Variants in PATE3 observed in about 807,000 individuals in gnomAD.
PATE3 encodes the protein prostate and testis expressed protein 3.
PATE3 carries 7 observed loss-of-function variants against 7.4 expected under a neutral mutation model. The ratio of observed to expected loss-of-function variants is 0.95; its 90% confidence interval spans 0.54 to 1.78. PATE3 has a LOEUF of 1.78. Ranked by LOEUF, PATE3 falls within the 40% of genes most tolerant of loss-of-function variation. The pLI, the probability that PATE3 is intolerant of heterozygous loss-of-function variation, is 0.00. For missense variants in PATE3, 117 were observed against 122.5 expected (o/e 0.96, Z 0.21); for synonymous variants, 38 against 40.2 (o/e 0.94, Z 0.21).
In PATE3 at chr11:125,791,434, A is replaced by G. The variant is rs1303906584; in HGVS notation, c.*832A>G. The G allele has an allele frequency of 1.3e-5, 2 of 152,236 alleles. No individual in the cohort carries two copies. Among genetic ancestry groups the G allele is most frequent in the Non-Finnish European group, 2.9e-5 (2 of 68,090 alleles). The allele number at this position is 152,236 out of a possible 1,614,324, so 9.4% of individuals were successfully genotyped here. A position where few individuals can be genotyped will look rare whatever the true frequency, so the allele number is the denominator to read the frequency against. On this transcript the variant is annotated 3_prime_UTR_variant, in exon 3 of 3. Coordinates refer to ENST00000445202, the MANE Select transcript of PATE3 (RefSeq NM_001129883.4). ...CCATGCGTCAGATGGCACCTGAGGC[A>G]TATAACCTAGGGTGGGCTGCCTTTC...
chr11:125,789,787 A>G (rs542276447), intron 2 of PATE3, among the ~76,000 whole-genome samples: 1 of 152,324 alleles, frequency 6.6e-6, no homozygotes, highest in East Asian at 1.9e-4. Context: ...GTGATTTTTC[A>G]TACAAGCCTT....
At position 125,789,499 on chromosome 11, in the gene PATE3, AT is replaced by A. The variant is rs1416835947; in HGVS notation, c.166del (p.Tyr56ThrfsTer20). On this transcript the variant is annotated frameshift_variant, in exon 2 of 3. Transcript: ENST00000445202. LOFTEE classifies it low-confidence loss of function (END_TRUNC). ...QKGEACMLLR[I>X]YQRNTLQISY... ...GGGCGAGGCATGCATGCTCTTAAGG[AT>A]TTACCAGCGTAAGTTAGAGGGTCAG... 41 of 1,550,850 alleles carry A rather than the reference AT, an allele frequency of 2.6e-5. No individual in the cohort carries two copies. Among genetic ancestry groups the A allele is most frequent in the Non-Finnish European group, 3.1e-5 (36 of 1,146,428 alleles).
At position 125,791,533 on chromosome 11, in the gene PATE3, G is replaced by A. The variant is rs1400666407; in HGVS notation, c.*931G>A. The A allele has an allele frequency of 6.6e-6, 1 of 152,222 alleles. No individual in the cohort carries two copies. Among genetic ancestry groups the A allele is most frequent in the African/African-American group, 2.4e-5 (1 of 41,420 alleles). 9.4% of individuals were successfully genotyped at this position (152,222 alleles called of 1,614,324 possible). On this transcript the variant is annotated 3_prime_UTR_variant, in exon 3 of 3. Transcript: ENST00000445202. Reference sequence around the variant, plus strand: ...CTGTACAGCTTTCTTGAGACTTGGGGGCCTGGGTCAAAGAGATTTGTCTGT... The same window carrying A: ...CTGTACAGCTTTCTTGAGACTTGGGAGCCTGGGTCAAAGAGATTTGTCTGT...
chr11:125,789,736 G>T (rs562381655), intron 2 of PATE3, among the ~76,000 whole-genome samples: 33 of 151,936 alleles, frequency 2.2e-4, no homozygotes, highest in African/African-American at 6.0e-4. Flanking sequence ...ATTTTTTTTT[G>T]ATAATCGACA....
intron 2 of PATE3, 119 bp downstream of exon 2, chr11:125,789,627 G>T: frequency 8.6e-7 from 1 of 1,161,554 alleles, no homozygotes; most frequent in Non-Finnish European, 1.2e-6. Flanking sequence ...ACAGGTGGTA[G>T]CACAGGTCCC....
At position 125,789,479 on chromosome 11, in the gene PATE3, A is replaced by G. The variant is rs1265240185; in HGVS notation, c.143A>G (p.Glu48Gly). ...GFGVCTAQKG[E>G]ACMLLRIYQR... Reference sequence around the variant, plus strand: ...GGTGTCTGTACTGCTCAGAAGGGCGAGGCATGCATGCTCTTAAGGATTTAC... The same window carrying G: ...GGTGTCTGTACTGCTCAGAAGGGCGGGGCATGCATGCTCTTAAGGATTTAC... The change falls in exon 2 of 3, where the codon GAG becomes GGG. Residue 48 changes from glutamate to glycine, a missense_variant. Physicochemically the swap from Glu to Gly is moderately conservative, Grantham distance 98. Coordinates refer to ENST00000445202, the MANE Select transcript of PATE3 (RefSeq NM_001129883.4). 1.3e-6 allele frequency: 2 copies of G among 1,551,500 alleles called. No homozygotes were observed. The highest frequency in any genetic ancestry group is 1.7e-6 in the Non-Finnish European group (2 of 1,146,936).
intron 2 of PATE3, among the ~76,000 whole-genome samples, chr11:125,789,723 CAG>C (rs1168390942): frequency 3.3e-5 from 5 of 152,134 alleles, no homozygotes; most frequent in African/African-American, 1.2e-4. Context: ...ACTGACCAAA[CAG>C]ATTTTTTTTT....
chr11:125,788,424 T>G (rs1346100912), intron 1 of PATE3, among the ~76,000 whole-genome samples: 1 of 152,080 alleles, frequency 6.6e-6, no homozygotes, highest in Non-Finnish European at 1.5e-5. Flanking sequence ...CCTGCCCTTT[T>G]AACTCATTTT....
At chr11:125,789,302 T>C in intron 1 of PATE3, 84 bp from the exon 2 acceptor site, 1 of 1,387,762 alleles carries the variant, frequency 7.2e-7, no homozygotes, top group Admixed American at 2.1e-5. Context: ...CACTATTCAT[T>C]CCCCACCTCC....
intron 2 of PATE3, among the ~76,000 whole-genome samples, chr11:125,789,735 T>C (rs1943593878): frequency 6.6e-6 from 1 of 152,192 alleles, no homozygotes; most frequent in Admixed American, 6.5e-5. Context: ...GATTTTTTTT[T>C]GATAATCGAC....
intron 2 of PATE3, 33 bp downstream of exon 2, chr11:125,789,541 A>G: frequency 6.5e-7 from 1 of 1,533,504 alleles, no homozygotes; most frequent in Middle Eastern, 1.7e-4. Context: ...GTGTTGTAAG[A>G]TTCTTAGAAT....
chr11:125,790,744 T>C lies in PATE3; in HGVS notation c.*142T>C. On this transcript the variant is annotated 3_prime_UTR_variant, in exon 3 of 3. Transcript: ENST00000445202. Reference sequence around the variant, plus strand: ...TTAACCTAAGAAGACTAAACTAGTGTGATCCTTTCTGGTGTCTTCAGCTTG... The same window carrying C: ...TTAACCTAAGAAGACTAAACTAGTGCGATCCTTTCTGGTGTCTTCAGCTTG... 1 of 781,190 alleles carries C rather than the reference T, an allele frequency of 1.3e-6. No individual in the cohort carries two copies. Among genetic ancestry groups the C allele is most frequent in the East Asian group, 2.8e-5 (1 of 35,612 alleles). 48.4% of individuals were successfully genotyped at this position (781,190 alleles called of 1,614,324 possible).
rs781342900 is a variant in PATE3 at position 125,790,585 on chromosome 11, T to C, written c.280T>C (p.Cys94Arg). ...TCATACATGCTGCAACTACAATTAC[T>C]GTAACTTTAAACTCTAAGATATTTG... is the stretch of plus-strand genomic sequence containing the variant. ...YVHTCCNYNY[C>R]NFKL The change falls in exon 3 of 3, where the codon TGT becomes CGT. Residue 94 changes from cysteine (C) to arginine (R), a missense_variant. Coordinates refer to ENST00000445202, the MANE Select transcript of PATE3 (RefSeq NM_001129883.4). 1.9e-6 allele frequency: 3 copies of C among 1,551,420 alleles called. No homozygotes were observed. The highest frequency in any genetic ancestry group is 2.6e-6 in the Non-Finnish European group (3 of 1,146,844).
At chr11:125,790,404 A>G (rs1943599990) in intron 2 of PATE3, 74 bp from the exon 3 acceptor site, 1 of 1,416,922 alleles carries the variant, frequency 7.1e-7, no homozygotes, top group Non-Finnish European at 9.4e-7. Flanking sequence ...CACCAACAGA[A>G]CTAGTGCTGG....
intron 2 of PATE3, 30 bp from the exon 3 acceptor site, chr11:125,790,448 C>T: frequency 6.5e-7 from 1 of 1,540,452 alleles, no homozygotes; most frequent in Non-Finnish European, 8.7e-7. Context: ...AAATCAAATG[C>T]TTATTTTCTG....
intron 1 of PATE3, among the ~76,000 whole-genome samples, chr11:125,788,918 G>T (rs1943587722): frequency 6.6e-6 from 1 of 152,138 alleles, no homozygotes; most frequent in South Asian, 2.1e-4. Flanking sequence ...CCTCATAAAA[G>T]TGTCACTTAT....
chr11:125,790,691 C>T lies in PATE3; in HGVS notation c.*89C>T. The T allele has an allele frequency of 7.4e-7, 1 of 1,356,090 alleles. No homozygotes were observed. The highest frequency in any genetic ancestry group is 2.5e-5 in the East Asian group (1 of 39,544). 84.0% of individuals were successfully genotyped at this position (1,356,090 alleles called of 1,614,324 possible). A position where few individuals can be genotyped will look rare whatever the true frequency, so the allele number is the denominator to read the frequency against. On this transcript the variant is annotated 3_prime_UTR_variant, in exon 3 of 3. Coordinates refer to ENST00000445202, the MANE Select transcript of PATE3 (RefSeq NM_001129883.4). ...GCTGGCCCTTGCTTCCCTTCCGTGT[C>T]TGTCCTGACAATACCCCTGCCCTCG...
chr11:125,790,797 T>G lies in PATE3; in HGVS notation c.*195T>G. The G allele has an allele frequency of 2.0e-6, 1 of 504,822 alleles. No homozygotes were observed. 31.3% of individuals were successfully genotyped at this position (504,822 alleles called of 1,614,324 possible). A position where few individuals can be genotyped will look rare whatever the true frequency, so the allele number is the denominator to read the frequency against. On this transcript the variant is annotated 3_prime_UTR_variant, in exon 3 of 3. Transcript: ENST00000445202. ...TTCTCCCTCAGTCAGAGAATAGTGG[T>G]TCTGAACAATGGATTTCTTCTATTA...
In PATE3 at chr11:125,791,360, C is replaced by A. The variant is rs1468641147; in HGVS notation, c.*758C>A. 1 of 152,186 alleles carries A rather than the reference C, an allele frequency of 6.6e-6. No individual in the cohort carries two copies. The highest frequency in any genetic ancestry group is 2.4e-5 in the African/African-American group (1 of 41,426). The allele number at this position is 152,186 out of a possible 1,614,324, so 9.4% of individuals were successfully genotyped here. On this transcript the variant is annotated 3_prime_UTR_variant, in exon 3 of 3. Transcript: ENST00000445202. ...ACCTCCATTATCACCTCCCCATTGC[C>A]ACACAACCTCTCCCTGTAGAGAGGC... is the stretch of plus-strand genomic sequence containing the variant.
Sources: gnomAD v4.1 joint callset for allele counts (sites outside exome capture counted in the v4.1 genomes callset) on GRCh38, gnomAD v4.1.1 for gene constraint, MANE v1.5 for transcripts, NCBI Gene and HGNC (gene_info 2026-07-23, HGNC 2026-07-21) for gene names.